Variants in PRKAG1 observed in about 807,000 individuals in gnomAD.
PRKAG1 encodes protein kinase AMP-activated non-catalytic subunit gamma 1.
In PRKAG1, 27 loss-of-function variants were observed where a neutral mutation model predicts 48.2. The ratio of observed to expected loss-of-function variants is 0.56; its 90% CI spans 0.41 to 0.77. The LOEUF (loss-of-function observed/expected upper bound fraction) is 0.77, where lower values mean the gene tolerates loss of function less well. PRKAG1 is among the 30% of genes least tolerant of loss of function. PRKAG1 has a pLI of 0.00. For synonymous variants in PRKAG1, 130 were observed against 147.7 expected, an observed-to-expected ratio of 0.88 and a Z score of 0.87; for missense variants, 287 against 398.3, an observed-to-expected ratio of 0.72 and a Z score of 2.38.
At chr12:49,007,572 A>C (rs1941593864) in intron 2 of PRKAG1, among the ~76,000 whole-genome samples, 1 of 152,118 alleles carries the variant, frequency 6.6e-6, no homozygotes, top group African/African-American at 2.4e-5. Context: ...AAAAAATTGC[A>C]CTCCTTGCAA....
At position 49,018,523 on chromosome 12, in the gene PRKAG1, C is replaced by A. The variant is rs988466192; in HGVS notation, c.9+209G>T. ...CTGCTTGGGCTAAGGGTACCGCGTA[C>A]GGAAAGGCGGCGGGGACGCGGCCCA... On this transcript the variant is annotated intron_variant, in intron 1 of 11. Transcript: ENST00000548065. 6.3e-6 allele frequency: 9 copies of A among 1,430,386 alleles called. No individual in the cohort carries two copies. The East Asian group carries it at 2.4e-4, about 38-fold the overall frequency. 88.6% of individuals were successfully genotyped at this position (1,430,386 alleles called of 1,614,324 possible). A position where few individuals can be genotyped will look rare whatever the true frequency, so the allele number is the denominator to read the frequency against.
chr12:49,005,607 C>T lies in PRKAG1; in HGVS notation c.169-64G>A. ...CAGGGGCAGGACTGTAAAAAAAGAACAGTGTTTGGGCATGTTGGGTAAAAC... is the reference window on the plus strand; with the variant it reads ...CAGGGGCAGGACTGTAAAAAAAGAATAGTGTTTGGGCATGTTGGGTAAAAC... On this transcript the variant is annotated intron_variant, in intron 3 of 11. Coordinates refer to ENST00000548065, the MANE Select transcript of PRKAG1 (RefSeq NM_002733.5). This position sits in a 1 kb window ranked among gnomAD's most constrained non-coding sequence, Gnocchi z 4.1. 6 of 1,613,580 alleles carry T rather than the reference C, an allele frequency of 3.7e-6. No homozygotes were observed. Among genetic ancestry groups the T allele is most frequent in the Non-Finnish European group, 5.1e-6 (6 of 1,179,856 alleles).
At chr12:49,013,583 A>C (rs540614659) in intron 1 of PRKAG1, among the ~76,000 whole-genome samples, 3 of 152,220 alleles carry the variant, frequency 2.0e-5, no homozygotes, top group Non-Finnish European at 2.9e-5. Flanking sequence ...TTTAATCTTC[A>C]TAACAACCCT....
rs1592279858 is a variant in PRKAG1 at position 49,010,296 on chromosome 12, T to C, written c.58+2766A>G. Among the ~76,000 whole-genome samples, 3 of 152,220 alleles carry C rather than the reference T, an allele frequency of 2.0e-5. No homozygotes were observed. The South Asian group carries it at 6.2e-4, about 31-fold the overall frequency. On this transcript the variant is annotated intron_variant, in intron 2 of 11. Transcript: ENST00000548065. ...AAGCTCTAAGTGTGTAAGTGAGCCT[T>C]GCTGACAGTGAGTCATTTGGATAGG...
intron 9 of PRKAG1, 47 bp from the exon 10 acceptor site, chr12:49,003,642 C>G: frequency 6.2e-7 from 1 of 1,612,000 alleles, no homozygotes; most frequent in Non-Finnish European, 8.5e-7. Flanking sequence ...GGATCTAAAG[C>G]TCCCCCTACT....
rs1941331999 is a variant in PRKAG1, at chr12:49,002,540, G to C, written c.*359C>G. The C allele has an allele frequency of 2.6e-6, 1 of 381,858 alleles. No individual in the cohort carries two copies. The highest frequency in any genetic ancestry group is 2.1e-5 in the African/African-American group (1 of 48,112). The allele number at this position is 381,858 out of a possible 1,614,324, so 23.7% of individuals were successfully genotyped here. A position where few individuals can be genotyped will look rare whatever the true frequency, so the allele number is the denominator to read the frequency against. ...TTTGTTGTGCTATTATCTTAGGGTT[G>C]AATCAGGGCCAAGATGGAGGCAGAG... On this transcript the variant is annotated 3_prime_UTR_variant, in exon 12 of 12. Coordinates refer to ENST00000548065, the MANE Select transcript of PRKAG1 (RefSeq NM_002733.5).
chr12:49,015,720 C>T (rs547087754), intron 1 of PRKAG1, among the ~76,000 whole-genome samples: 9 of 152,188 alleles, frequency 5.9e-5, no homozygotes, highest in African/African-American at 2.2e-4. Flanking sequence ...CTACAGATGC[C>T]TGCCACCACG....
At position 49,018,752 on chromosome 12, in the gene PRKAG1, C is replaced by T. The variant is rs1942124668; in HGVS notation, c.-12G>A. On this transcript the variant is annotated 5_prime_UTR_variant, in exon 1 of 12. Coordinates refer to ENST00000548065, the MANE Select transcript of PRKAG1 (RefSeq NM_002733.5). Reference sequence around the variant, plus strand: ...CTCACCGTCTCCATTGCAAGAGGCGCCCGGCTTGGTTTCCTCGCTTTAGGA... The same window carrying T: ...CTCACCGTCTCCATTGCAAGAGGCGTCCGGCTTGGTTTCCTCGCTTTAGGA... 1.9e-6 allele frequency: 3 copies of T among 1,612,686 alleles called. No individual in the cohort carries two copies.
intron 8 of PRKAG1, 74 bp downstream of exon 8, chr12:49,004,433 G>A (rs955556167): frequency 6.1e-5 from 95 of 1,567,050 alleles, no homozygotes; most frequent in African/African-American, 1.5e-4. Context: ...GTGAGACCTC[G>A]TCTCTCTTTT....
chr12:49,004,301 TAATA>T (rs2137652985), intron 8 of PRKAG1: 1 of 612,690 alleles, frequency 1.6e-6, no homozygotes, highest in Non-Finnish European at 2.7e-6. Context: ...CAAAATAAAT[TAATA>T]AATAAATAAG....
At chr12:49,010,358 C>T (rs1941706536) in intron 2 of PRKAG1, among the ~76,000 whole-genome samples, 2 of 152,134 alleles carry the variant, frequency 1.3e-5, no homozygotes, top group Non-Finnish European at 1.5e-5. Context: ...GACTTCCCTT[C>T]AAGAGGATTC....
At position 49,003,023 on chromosome 12, in the gene PRKAG1, A is replaced by G. The variant is rs998088592; in HGVS notation, c.889-17T>C. On this transcript the variant is annotated splice_polypyrimidine_tract_variant and intron_variant, in intron 11 of 11. Coordinates refer to ENST00000548065, the MANE Select transcript of PRKAG1 (RefSeq NM_002733.5). Reference sequence around the variant, plus strand: ...TCGGTGAACCTGGCACAGAGCAACAAGGGAGAAAGGGAATGTTTAGTGCTG... The same window carrying G: ...TCGGTGAACCTGGCACAGAGCAACAGGGGAGAAAGGGAATGTTTAGTGCTG... 5.0e-6 allele frequency: 8 copies of G among 1,613,374 alleles called. No homozygotes were observed. The Admixed American group carries it at 8.3e-5, about 17-fold the overall frequency.
Position 49,004,552 on chromosome 12 carries a change from C to CAA in PRKAG1, c.490_491dup (p.Leu164PhefsTer11). ...GAATGCGCTTGTGGGTGAGGATGTACAAAGTATTGCCTGATTCTGGGTCAA... is the reference window on the plus strand; with the variant it reads ...GAATGCGCTTGTGGGTGAGGATGTACAAAAAGTATTGCCTGATTCTGGGTCAA... On this transcript the variant is annotated frameshift_variant, in exon 8 of 12. Transcript: ENST00000548065. LOFTEE classifies it high-confidence loss of function. 1.2e-6 allele frequency: 2 copies of CAA among 1,614,100 alleles called. No individual in the cohort carries two copies. Among genetic ancestry groups the CAA allele is most frequent in the Non-Finnish European group, 1.7e-6 (2 of 1,180,016 alleles).
chr12:49,004,551 A>G lies in PRKAG1; in HGVS notation c.493T>C (p.Tyr165His). 1 of 1,614,190 alleles carries G rather than the reference A, an allele frequency of 6.2e-7. No individual in the cohort carries two copies. Residue 165 changes from tyrosine to histidine, a missense_variant, in exon 8 of 12, where the codon TAC becomes CAC. Tyr to His is a moderately conservative substitution (Grantham distance 83). Coordinates refer to ENST00000548065, the MANE Select transcript of PRKAG1 (RefSeq NM_002733.5). ...VIDPESGNTL[Y>H]ILTHKRILKF... ...AGAATGCGCTTGTGGGTGAGGATGT[A>G]CAAAGTATTGCCTGATTCTGGGTCA... is the stretch of plus-strand genomic sequence containing the variant.
At chr12:49,013,473 G>C (rs573080168) in intron 1 of PRKAG1, among the ~76,000 whole-genome samples, 1 of 152,108 alleles carries the variant, frequency 6.6e-6, no homozygotes, top group East Asian at 1.9e-4. Context: ...TTGAACTCCT[G>C]GGCTCAAGTG....
At position 49,005,363 on chromosome 12, in the gene PRKAG1, G is replaced by A. The variant is rs148920053; in HGVS notation, c.252C>T (p.Gly84=). 1 of 1,613,998 alleles carries A rather than the reference G, an allele frequency of 6.2e-7. No homozygotes were observed. Among genetic ancestry groups the A allele is most frequent in the African/African-American group, 1.3e-5 (1 of 74,926 alleles). Residue 84 remains glycine (G), a splice_region_variant and synonymous_variant, in exon 5 of 12, where the codon GGC becomes GGT. Coordinates refer to ENST00000548065, the MANE Select transcript of PRKAG1 (RefSeq NM_002733.5). This position sits in a 1 kb window ranked among gnomAD's most constrained non-coding sequence, Gnocchi z 4.1. ...LWDSKKQSFV[G]MLTITDFINI... is the part of the protein sequence containing the mutation. ...TGATGAAATCAGTGATGGTCAGCAT[G>A]CCTAGAGGACAAGACAGAGCCCTCA...
rs397747401 is a variant in PRKAG1, at chr12:49,017,208, C to CT, written c.9+1523dup. On this transcript the variant is annotated intron_variant, in intron 1 of 11. Coordinates refer to ENST00000548065, the MANE Select transcript of PRKAG1 (RefSeq NM_002733.5). ...TCAAAGCAGGAGTTTTCTTTCTTTTCTTTTTTTTTGGAGACAGGATCTCAC... is the reference window on the plus strand; with the variant it reads ...TCAAAGCAGGAGTTTTCTTTCTTTTCTTTTTTTTTTGGAGACAGGATCTCAC... 1.4e-3 allele frequency: 626 copies of CT among 447,800 alleles called. 6 individuals carry two copies. In the East Asian group the frequency reaches 0.024, roughly 17 times the overall value. 27.7% of individuals were successfully genotyped at this position (447,800 alleles called of 1,614,324 possible). A position where few individuals can be genotyped will look rare whatever the true frequency, so the allele number is the denominator to read the frequency against.
rs760604229 is a variant in PRKAG1 at position 49,013,088 on chromosome 12, G to C, written c.32C>G (p.Pro11Arg). 1 of 1,613,746 alleles carries C rather than the reference G, an allele frequency of 6.2e-7. No individual in the cohort carries two copies. Among genetic ancestry groups the C allele is most frequent in the South Asian group, 1.1e-5 (1 of 91,068 alleles). METVISSDSS[P>R]AVENEHPQET... ...TTGAGGATGCTCATTTTCCACAGCT[G>C]GGGAGCTATCTGAAGAAATGACCTG... is the stretch of plus-strand genomic sequence containing the variant. The change falls in exon 2 of 12, where the codon CCA (proline) becomes CGA (arginine). Residue 11 changes from proline (P) to arginine (R), a missense_variant. This residue lies in a region of PRKAG1 where 63 missense variants were observed against 54.0 expected (regional missense o/e 1.17). Coordinates refer to ENST00000548065, the MANE Select transcript of PRKAG1 (RefSeq NM_002733.5).
At chr12:49,004,319 TG>T in intron 8 of PRKAG1, 187 bp downstream of exon 8, 2 of 661,256 alleles carry the variant, frequency 3.0e-6, no homozygotes, top group Non-Finnish European at 2.5e-6. Context: ...AAATAAGAAG[TG>T]GGGCTGGATG....
Sources: allele counts gnomAD v4.1 joint callset (sites outside exome capture counted in the v4.1 genomes callset), GRCh38; gene constraint gnomAD v4.1.1; regional missense constraint gnomAD v4.1.1; non-coding constraint Gnocchi (gnomAD v3.1); transcripts MANE v1.5; gene names NCBI Gene and HGNC (gene_info 2026-07-23, HGNC 2026-07-21).